The following USP24 variants were observed in gnomAD, a reference collection of about 807,000 sequenced individuals.
The protein encoded by USP24 is ubiquitin carboxyl-terminal hydrolase 24.
In USP24, 97 loss-of-function variants were observed where a neutral mutation model predicts 361.6. The ratio of observed to expected loss-of-function variants is 0.27; its 90% confidence interval spans 0.23 to 0.32. The LOEUF (loss-of-function observed/expected upper bound fraction) is 0.32, where lower values mean the gene tolerates loss of function less well. Ranked by LOEUF, USP24 falls within the 10% of genes least tolerant of loss-of-function variation. The pLI is 1.00. For missense variants in USP24, 2,353 were observed against 3,165.6 expected, an observed-to-expected ratio of 0.74 and a Z score of 6.16; for synonymous variants, 1,098 against 1,124.6, an observed-to-expected ratio of 0.98 and a Z score of 0.47.
intron 1 of USP24, among the ~76,000 whole-genome samples, chr1:55,206,551 T>C (rs1007296686): frequency 2.7e-5 from 4 of 150,884 alleles, no homozygotes; most frequent in Non-Finnish European, 5.9e-5. Flanking sequence ...GTTTTACCTA[T>C]ACAAGATGAG....
At chr1:55,093,490 AC>A (rs754856718) in intron 52 of USP24, 2 of 158,772 alleles carry the variant, frequency 1.3e-5, no homozygotes, top group Admixed American at 1.2e-4. Context: ...ATAATCTTTT[AC>A]AAATTAAAGA....
At chr1:55,159,492 C>T (rs1272881041) in intron 9 of USP24, 119 bp downstream of exon 9, 2 of 802,394 alleles carry the variant, frequency 2.5e-6, no homozygotes, top group African/African-American at 1.7e-5. Context: ...AAAGTTAATT[C>T]GATGTGAATG....
rs143870641 is a variant in USP24 at position 55,093,602 on chromosome 1, C to G, written c.6354+335G>C. 2.5e-4 allele frequency: 50 copies of G among 203,380 alleles called. No homozygotes were observed. The East Asian group carries it at 5.5e-3, about 23-fold the overall frequency. 12.6% of individuals were successfully genotyped at this position (203,380 alleles called of 1,614,324 possible). ...AGGTTATGAACCTTAACTTGTTTTT[C>G]TCTCCAGACAAAATAAGTTTATTTC... On this transcript the variant is annotated intron_variant, in intron 52 of 67. Transcript: ENST00000294383.
intron 40 of USP24, 87 bp downstream of exon 40, chr1:55,107,152 T>C: frequency 6.9e-7 from 1 of 1,439,938 alleles, no homozygotes; most frequent in East Asian, 2.4e-5. Flanking sequence ...ACACTTGGCA[T>C]CTATCTTATT....
chr1:55,170,596 G>A (rs749489272), intron 5 of USP24, among the ~76,000 whole-genome samples: 2 of 152,022 alleles, frequency 1.3e-5, no homozygotes, highest in Non-Finnish European at 2.9e-5. Context: ...ATGAAATGGG[G>A]GTAAAAATAG....
rs1297198123 is a variant in USP24, at chr1:55,107,262, C to G, written c.4739G>C (p.Cys1580Ser). 6.2e-7 allele frequency: 1 copy of G among 1,610,914 alleles called. No homozygotes were observed. Among genetic ancestry groups the G allele is most frequent in the African/African-American group, 1.3e-5 (1 of 74,720 alleles). The change falls in exon 40 of 68, where the codon TGT becomes TCT. Residue 1580 changes from cysteine to serine, a missense_variant. Physicochemically the swap from Cys to Ser is moderately radical, Grantham distance 112. Coordinates refer to ENST00000294383, the MANE Select transcript of USP24 (RefSeq NM_015306.3). ...ACCAAGCATTTCCTTTTCTGCCCCA[C>G]AGAGTGAAAGAAGGGTCTTGATGAG... ...LRLIKTLLSL[C>S]GAEKEMLGSS...
intron 42 of USP24, among the ~76,000 whole-genome samples, chr1:55,102,838 CACATA>C (rs879601069): frequency 6.6e-6 from 1 of 152,228 alleles, no homozygotes; most frequent in Admixed American, 6.5e-5. Flanking sequence ...TCTAAAGTAA[CACATA>C]ACATAACCTA....
intron 1 of USP24, among the ~76,000 whole-genome samples, chr1:55,207,528 A>T (rs1400334559): frequency 1.3e-5 from 2 of 152,250 alleles, no homozygotes; most frequent in Non-Finnish European, 1.5e-5. Flanking sequence ...TTGAAGAAAA[A>T]ATTAAAAATA....
chr1:55,205,116 C>T (rs879610320), intron 1 of USP24, among the ~76,000 whole-genome samples: 1 of 152,166 alleles, frequency 6.6e-6, no homozygotes, highest in Admixed American at 6.5e-5. Flanking sequence ...ACAGAGGTCA[C>T]CAGGGAAGGC....
intron 39 of USP24, among the ~76,000 whole-genome samples, chr1:55,109,246 G>A (rs1421616344): frequency 6.6e-6 from 1 of 152,232 alleles, no homozygotes; most frequent in African/African-American, 2.4e-5. Context: ...CAAAGTGCCA[G>A]GATCACAGGC....
chr1:55,082,612 T>C (rs1203349869), intron 58 of USP24, among the ~76,000 whole-genome samples: 2 of 152,060 alleles, frequency 1.3e-5, no homozygotes, highest in Non-Finnish European at 2.9e-5. Context: ...CATGGTGAAA[T>C]CCTGTTTCTA....
intron 60 of USP24, 109 bp from the exon 61 acceptor site, chr1:55,078,760 T>C (rs1158598245): frequency 1.3e-5 from 10 of 768,392 alleles, no homozygotes; most frequent in Admixed American, 6.2e-5. Flanking sequence ...TAATTAACAC[T>C]GCCTGAAAAC....
intron 54 of USP24, among the ~76,000 whole-genome samples, 156 bp downstream of exon 54, chr1:55,091,867 T>C (rs667353): frequency 0.53 from 80,526 of 152,052 alleles, 23,501 homozygotes; most frequent in East Asian, 0.78. Flanking sequence ...ATTCTTTCCA[T>C]TAGGTTAGAA....
chr1:55,085,681 T>C (rs758157301), intron 56 of USP24, among the ~76,000 whole-genome samples: 18 of 152,202 alleles, frequency 1.2e-4, no homozygotes, highest in Non-Finnish European at 2.5e-4. Flanking sequence ...GAAAGGACTC[T>C]GAAAAGGGAG....
rs1016393205 is a variant in USP24, at chr1:55,174,421, G to A, written c.559-1901C>T. On this transcript the variant is annotated intron_variant, in intron 3 of 67. Coordinates refer to ENST00000294383, the MANE Select transcript of USP24 (RefSeq NM_015306.3). Reference sequence around the variant, plus strand: ...GACGGGGAGGAGAACCTTTTTAATAGCTCTAAAGTGCAAAAGAATTTAATA... The same window carrying A: ...GACGGGGAGGAGAACCTTTTTAATAACTCTAAAGTGCAAAAGAATTTAATA... Among the ~76,000 whole-genome samples, 3 of 152,292 alleles carry A rather than the reference G, an allele frequency of 2.0e-5. No homozygotes were observed. In the East Asian group the frequency reaches 5.8e-4, roughly 29 times the overall value.
In USP24 at chr1:55,178,028, A is replaced by T; in HGVS notation, c.429T>A (p.Pro143=). Residue 143 remains proline (P), a synonymous_variant, in exon 2 of 68, where the codon CCT becomes CCA. Coordinates refer to ENST00000294383, the MANE Select transcript of USP24 (RefSeq NM_015306.3). ...SRVLTDHWSI[P]YKREESLGKC... ...TGCCTAGTGATTCTTCTCGCTTGTA[A>T]GGGATGGACCAATGATCAGTCAAAA... 1 of 1,551,676 alleles carries T rather than the reference A, an allele frequency of 6.4e-7. No individual in the cohort carries two copies. Among genetic ancestry groups the T allele is most frequent in the Non-Finnish European group, 8.7e-7 (1 of 1,146,948 alleles).
chr1:55,170,632 G>T (rs1358189584), intron 5 of USP24, among the ~76,000 whole-genome samples: 1 of 152,056 alleles, frequency 6.6e-6, no homozygotes, highest in Non-Finnish European at 1.5e-5. Context: ...GCCATTGTGG[G>T]GATTAAATTC....
intron 30 of USP24, 33 bp downstream of exon 30, chr1:55,134,037 A>C (rs1646666880): frequency 6.4e-7 from 1 of 1,556,260 alleles, no homozygotes; most frequent in East Asian, 2.2e-5. Context: ...ATTGTGATAT[A>C]AAATTGCCAT....
At chr1:55,071,110 A>G in intron 67 of USP24, 1 of 982,694 alleles carries the variant, frequency 1.0e-6, no homozygotes, top group East Asian at 1.1e-4. Flanking sequence ...TGAGGATCCG[A>G]AAGATAACAC....
Sources: allele counts gnomAD v4.1 joint callset (sites outside exome capture counted in the v4.1 genomes callset), GRCh38; gene constraint gnomAD v4.1.1; transcripts MANE v1.5; gene names NCBI Gene and HGNC (gene_info 2026-07-23, HGNC 2026-07-21).